SLCO1A2: variants seen among roughly 807,000 people sequenced by gnomAD.
The protein encoded by SLCO1A2 is OATP-1.
In SLCO1A2, 67 loss-of-function variants were observed where a neutral mutation model predicts 69.0. That is an observed-to-expected ratio of 0.97 (90% CI 0.80 to 1.19). SLCO1A2 has a LOEUF of 1.19. Among genes scored for constraint, SLCO1A2 ranks in the 50% most tolerant of loss-of-function variants. The pLI, the probability that SLCO1A2 is intolerant of heterozygous loss-of-function variation, is 0.00. For missense variants in SLCO1A2, 787 were observed against 793.7 expected, an observed-to-expected ratio of 0.99 and a Z score of 0.10; for synonymous variants, 260 against 265.9, an observed-to-expected ratio of 0.98 and a Z score of 0.22.
intron 2 of SLCO1A2, among the ~76,000 whole-genome samples, chr12:21,359,612 T>C (rs1938654827): frequency 6.6e-6 from 1 of 152,160 alleles, no homozygotes; most frequent in African/African-American, 2.4e-5. Context: ...CCAGGCATGG[T>C]GGTGGGCACC....
At chr12:21,374,731 G>A (rs1940062176) in intron 1 of SLCO1A2, among the ~76,000 whole-genome samples, 2 of 152,038 alleles carry the variant, frequency 1.3e-5, no homozygotes, top group Admixed American at 6.6e-5. Context: ...TAGTATATCT[G>A]TTTATATCTT....
At chr12:21,388,096 T>C (rs1276655175) in intron 1 of SLCO1A2, among the ~76,000 whole-genome samples, 2 of 152,224 alleles carry the variant, frequency 1.3e-5, no homozygotes, top group Non-Finnish European at 2.9e-5. Context: ...CCAATGTCTG[T>C]ACCCCTATTG....
At chr12:21,303,590 G>A (rs542501014) in intron 6 of SLCO1A2, among the ~76,000 whole-genome samples, 2 of 152,202 alleles carry the variant, frequency 1.3e-5, no homozygotes, top group South Asian at 2.1e-4. Flanking sequence ...TAAACGTTAT[G>A]AGTTTATGAC....
intron 2 of SLCO1A2, among the ~76,000 whole-genome samples, chr12:21,348,272 TA>T (rs1016291665): frequency 6.6e-6 from 1 of 152,200 alleles, no homozygotes; most frequent in Non-Finnish European, 1.5e-5. Context: ...TAAGTTATTT[TA>T]AAATGTATGG....
At chr12:21,403,785 C>A (rs1190724664) in intron 1 of SLCO1A2, 1 of 144,498 alleles carries the variant, frequency 6.9e-6, no homozygotes, top group African/African-American at 2.6e-5. Flanking sequence ...GGCTCCAATA[C>A]CCTGTTGAAA....
At chr12:21,347,665 A>AAGGAAGG (rs1565510400) in intron 2 of SLCO1A2, among the ~76,000 whole-genome samples, 4 of 6,406 alleles carry the variant, frequency 6.2e-4, no homozygotes, top group South Asian at 0.017. Context: ...AAGAAGAAAG[A>AAGGAAGG]AAGAAAGGAA....
intron 7 of SLCO1A2, 125 bp from the exon 8 acceptor site, chr12:21,300,694 C>T (rs1591814457): frequency 2.8e-6 from 2 of 711,370 alleles, no homozygotes; most frequent in East Asian, 5.7e-5. Context: ...AATTCAGACA[C>T]TGATAAAATT....
intron 2 of SLCO1A2, chr12:21,373,837 A>C: frequency 1.9e-6 from 1 of 535,172 alleles, no homozygotes; most frequent in Non-Finnish European, 3.3e-6. Context: ...TATATTACTT[A>C]GATTTTTGTT....
intron 12 of SLCO1A2, among the ~76,000 whole-genome samples, chr12:21,276,346 C>A (rs892163604): frequency 2.0e-5 from 3 of 150,834 alleles, no homozygotes; most frequent in Admixed American, 1.3e-4. Flanking sequence ...TACATATATA[C>A]CTATCTCTAC....
At chr12:21,363,181 T>A (rs1939073401) in intron 2 of SLCO1A2, among the ~76,000 whole-genome samples, 1 of 152,080 alleles carries the variant, frequency 6.6e-6, no homozygotes, top group Non-Finnish European at 1.5e-5. Flanking sequence ...AGAACAGAAA[T>A]TATAACAAAC....
At chr12:21,314,434 T>C (rs1950614548) in intron 4 of SLCO1A2, 115 bp downstream of exon 4, 2 of 1,082,872 alleles carry the variant, frequency 1.8e-6, no homozygotes, top group East Asian at 4.8e-5. Context: ...CATCTTCCCC[T>C]TCCCATTACA....
At chr12:21,274,349 G>T (rs1943410428) in intron 14 of SLCO1A2, 120 bp downstream of exon 14, 2 of 591,532 alleles carry the variant, frequency 3.4e-6, no homozygotes, top group East Asian at 2.7e-5. Context: ...CAGTATCTCT[G>T]CTGGAAATAA....
At chr12:21,411,635 G>A (rs1591922823) in intron 1 of SLCO1A2, among the ~76,000 whole-genome samples, 1 of 151,950 alleles carries the variant, frequency 6.6e-6, no homozygotes, top group South Asian at 2.1e-4. Context: ...TTTTATGACC[G>A]TTACTTACAT....
chr12:21,274,805 G>C, intron 13 of SLCO1A2: 1 of 697,712 alleles, frequency 1.4e-6, no homozygotes, highest in Non-Finnish European at 2.1e-6. Context: ...ATAATTATTA[G>C]TAGAGTAAAA....
At chr12:21,342,124 G>A (rs1251513586) in intron 2 of SLCO1A2, among the ~76,000 whole-genome samples, 1 of 151,964 alleles carries the variant, frequency 6.6e-6, no homozygotes, top group African/African-American at 2.4e-5. Flanking sequence ...GCTAAAGGCA[G>A]GAAGCATAAA....
upstream of SLCO1A2, chr12:21,419,032 T>G (rs919262735): frequency 6.6e-6 from 1 of 152,146 alleles, no homozygotes; most frequent in African/African-American, 2.4e-5. Flanking sequence ...TCTCCCACTA[T>G]GTGAGGCTAA....
chr12:21,275,530 A>G (rs1943664350), intron 12 of SLCO1A2, 106 bp from the exon 13 acceptor site: 2 of 1,160,206 alleles, frequency 1.7e-6, no homozygotes, highest in Non-Finnish European at 2.3e-6. Context: ...TGAACATTCA[A>G]AATTTTACTT....
intron 2 of SLCO1A2, among the ~76,000 whole-genome samples, chr12:21,327,348 C>T (rs980394878): frequency 1.2e-4 from 18 of 152,166 alleles, no homozygotes; most frequent in African/African-American, 4.3e-4. Flanking sequence ...TTGAAGCCCC[C>T]ACACAGAGTC....
intron 1 of SLCO1A2, among the ~76,000 whole-genome samples, chr12:21,390,674 A>G (rs554936999): frequency 2.4e-4 from 36 of 152,292 alleles, no homozygotes; most frequent in African/African-American, 8.4e-4. Context: ...AATATTTCTG[A>G]TGCTTTGGTG....
Sources: gnomAD v4.1 joint callset for allele counts (sites outside exome capture counted in the v4.1 genomes callset) on GRCh38, gnomAD v4.1.1 for gene constraint, MANE v1.5 for transcripts, NCBI Gene and HGNC (gene_info 2026-07-23, HGNC 2026-07-21) for gene names.